The following LRP5 variants were observed in gnomAD, a reference collection of about 807,000 sequenced individuals.
The protein encoded by LRP5 is low-density lipoprotein receptor-related protein 5.
A neutral mutation model predicts 154.1 loss-of-function variants in LRP5; 62 were observed. That is an observed-to-expected ratio of 0.40 (90% CI 0.33 to 0.50). The LOEUF (loss-of-function observed/expected upper bound fraction) is 0.50. LRP5 is among the 20% of genes least tolerant of loss of function. LRP5 has a pLI of 0.55. For missense variants in LRP5, 1,915 were observed against 2,336.7 expected (o/e 0.82, Z 3.72); for synonymous variants, 966 against 1,011.5 (o/e 0.96, Z 0.85).
chr11:68,422,737 G>A (rs1395312158), intron 13 of LRP5, among the ~76,000 whole-genome samples: 1 of 151,570 alleles, frequency 6.6e-6, no homozygotes. Context: ...ACACTCACCT[G>A]CCCCTACCCA....
At chr11:68,427,685 A>T (rs2098669521) in intron 16 of LRP5, among the ~76,000 whole-genome samples, 1 of 152,070 alleles carries the variant, frequency 6.6e-6, no homozygotes, top group Non-Finnish European at 1.5e-5. Flanking sequence ...GTCTCAAAAA[A>T]AAAAAAGGGC....
At chr11:68,408,690 A>G (rs2098657123) in intron 9 of LRP5, among the ~76,000 whole-genome samples, 1 of 152,074 alleles carries the variant, frequency 6.6e-6, no homozygotes, top group Admixed American at 6.6e-5. Flanking sequence ...CAATCTTTTA[A>G]ATGTATGAAA....
chr11:68,439,899 G>C lies in LRP5; in HGVS notation c.4471G>C (p.Ala1491Pro), dbSNP rs1424516843. ...GTCCAGCAGCTCGTCCAGCACGAAG[G>C]CCACGCTGTACCCGCCGGTGAGGGG... Reference protein sequence around the residue: ...ASSSSSSSTKATLYPPILNPP... With the variant: ...ASSSSSSSTKPTLYPPILNPP... Residue 1491 changes from alanine to proline, a missense_variant, in exon 21 of 23, where the codon GCC (alanine) becomes CCC (proline). By Grantham distance (27) the Ala-to-Pro change is conservative. Coordinates refer to ENST00000294304, the MANE Select transcript of LRP5 (RefSeq NM_002335.4). 6 of 1,460,136 alleles carry C rather than the reference G, an allele frequency of 4.1e-6. No homozygotes were observed. The highest frequency in any genetic ancestry group is 5.5e-6 in the Non-Finnish European group (6 of 1,098,278). 90.4% of individuals were successfully genotyped at this position (1,460,136 alleles called of 1,614,324 possible).
rs143878170 is a variant in LRP5 at position 68,403,696 on chromosome 11, G to A, written c.1798G>A (p.Val600Ile). The change falls in exon 8 of 23, where the codon GTC becomes ATC. Residue 600 changes from valine (V) to isoleucine (I), a missense_variant. Coordinates refer to ENST00000294304, the MANE Select transcript of LRP5 (RefSeq NM_002335.4). The part of the protein sequence containing the change: ...GLKAVNVAKV[V>I]GTNPCADRNG... ...CAAAGCTGTGAATGTGGCCAAGGTCGTCGGTGAGTCCGGGGGGTCCCAAGC... is the reference window on the plus strand; with the variant it reads ...CAAAGCTGTGAATGTGGCCAAGGTCATCGGTGAGTCCGGGGGGTCCCAAGC... 3.2e-5 allele frequency: 51 copies of A among 1,613,476 alleles called. No individual in the cohort carries two copies. The highest frequency in any genetic ancestry group is 2.1e-4 in the African/African-American group (16 of 75,044).
At position 68,416,422 on chromosome 11, in the gene LRP5, T is replaced by C; in HGVS notation, c.2922T>C (p.His974=). 1.2e-6 allele frequency: 2 copies of C among 1,614,170 alleles called. No individual in the cohort carries two copies. Among genetic ancestry groups the C allele is most frequent in the South Asian group, 2.2e-5 (2 of 91,080 alleles). ...GCCCGGATCTCATCCTGCCCCTGCA[T>C]GGACTGAGGAACGTCAAAGCCATCG... is the stretch of plus-strand genomic sequence containing the variant. ...QHSPDLILPL[H]GLRNVKAIDY... Residue 974 remains histidine, a synonymous_variant, in exon 13 of 23, where the codon CAT becomes CAC. Transcript: ENST00000294304.
At chr11:68,389,794 C>A in intron 6 of LRP5, 87 bp from the exon 7 acceptor site, 1 of 1,418,724 alleles carries the variant, frequency 7.0e-7, no homozygotes, top group Non-Finnish European at 1.0e-6. Flanking sequence ...TGGGGGCCGG[C>A]TTGGGGGCAG....
chr11:68,363,632 G>T, intron 3 of LRP5, 115 bp from the exon 4 acceptor site: 2 of 855,444 alleles, frequency 2.3e-6, no homozygotes, highest in Non-Finnish European at 1.9e-6. Flanking sequence ...ACTCCAGCCT[G>T]GGCGACAGAC....
chr11:68,349,998 T>G (rs1379735207), intron 2 of LRP5, among the ~76,000 whole-genome samples: 2 of 152,150 alleles, frequency 1.3e-5, no homozygotes, highest in African/African-American at 4.8e-5. Context: ...TTGGAAGCCC[T>G]TTGCCTGTTA....
At chr11:68,404,955 C>T (rs1284547900) in intron 8 of LRP5, among the ~76,000 whole-genome samples, 1 of 137,480 alleles carries the variant, frequency 7.3e-6, no homozygotes, top group African/African-American at 2.8e-5. Flanking sequence ...CCGGCCTGGG[C>T]GACAGAGCGA....
intron 5 of LRP5, among the ~76,000 whole-genome samples, chr11:68,369,903 T>A (rs980943276): frequency 2.0e-5 from 3 of 152,136 alleles, no homozygotes; most frequent in African/African-American, 7.2e-5. Context: ...GCTGGGTGCC[T>A]GGCATCCAGT....
rs2153172861 is a variant in LRP5, at chr11:68,423,237, C to A, written c.3028-252C>A. On this transcript the variant is annotated intron_variant, in intron 13 of 22. Coordinates refer to ENST00000294304, the MANE Select transcript of LRP5 (RefSeq NM_002335.4). This position sits in a 1 kb window ranked among gnomAD's most constrained non-coding sequence, Gnocchi z 4.7. ...TCCTAATCGCTCTGGCATACTCAGG[C>A]GGGCACGTAGTTAGGAGCTGATTGG... Among the ~76,000 whole-genome samples the A allele has an allele frequency of 6.6e-6, 1 of 152,278 alleles. No homozygotes were observed. Among genetic ancestry groups the A allele is most frequent in the Non-Finnish European group, 1.5e-5 (1 of 68,014 alleles).
At chr11:68,374,456 A>G (rs1411635469) in intron 5 of LRP5, among the ~76,000 whole-genome samples, 7 of 152,256 alleles carry the variant, frequency 4.6e-5, no homozygotes, top group Non-Finnish European at 1.0e-4. Context: ...AATTTTTAAT[A>G]GCAAGAAAAT....
intron 1 of LRP5, among the ~76,000 whole-genome samples, chr11:68,326,783 T>C (rs2098599951): frequency 6.6e-6 from 1 of 152,228 alleles, no homozygotes; most frequent in South Asian, 2.1e-4. Flanking sequence ...TAGGCCTGGC[T>C]GTGTAGGAGA....
At chr11:68,395,135 T>C (rs1311949734) in intron 7 of LRP5, among the ~76,000 whole-genome samples, 1 of 152,036 alleles carries the variant, frequency 6.6e-6, no homozygotes, top group Non-Finnish European at 1.5e-5. Context: ...ACCCCGTCTC[T>C]ACTAAATATA....
At chr11:68,363,249 GC>G (rs1193205594) in intron 3 of LRP5, among the ~76,000 whole-genome samples, 1 of 152,212 alleles carries the variant, frequency 6.6e-6, no homozygotes, top group East Asian at 1.9e-4. Context: ...ACCTGGGGGA[GC>G]CCGTGTGTCA....
At chr11:68,419,963 CTG>C (rs1213174507) in intron 13 of LRP5, among the ~76,000 whole-genome samples, 1 of 151,712 alleles carries the variant, frequency 6.6e-6, no homozygotes, top group Non-Finnish European at 1.5e-5. Context: ...ACCTGGCTAA[CTG>C]TATTTTATGT....
chr11:68,394,528 C>T (rs920424419), intron 7 of LRP5, among the ~76,000 whole-genome samples: 19 of 151,688 alleles, frequency 1.3e-4, no homozygotes, highest in African/African-American at 3.9e-4. Context: ...TGCAGTGGCA[C>T]GATCTCGGCT....
chr11:68,385,090 A>C (rs1343063253), intron 5 of LRP5, among the ~76,000 whole-genome samples: 2 of 152,208 alleles, frequency 1.3e-5, no homozygotes, highest in Non-Finnish European at 2.9e-5. Flanking sequence ...CAACACGTGC[A>C]AGTCTTAGGG....
At chr11:68,396,393 G>T (rs981694595) in intron 7 of LRP5, among the ~76,000 whole-genome samples, 2 of 152,186 alleles carry the variant, frequency 1.3e-5, no homozygotes, top group African/African-American at 2.4e-5. Context: ...GGTGTGCGCA[G>T]CTGGGCTGTG....
Sources: gnomAD v4.1 joint callset for allele counts (sites outside exome capture counted in the v4.1 genomes callset) on GRCh38, gnomAD v4.1.1 for gene constraint, Gnocchi (gnomAD v3.1) non-coding constraint, MANE v1.5 for transcripts, NCBI Gene and HGNC (gene_info 2026-07-23, HGNC 2026-07-21) for gene names.